Variants in AKAP19 observed in about 807,000 individuals in gnomAD.
AKAP19 encodes A-kinase anchoring protein 19.
At chr2:190,062,918 A>G in the AKAP19 span, among the ~76,000 whole-genome samples, 1 of 152,254 alleles carries the variant, frequency 6.6e-6, no homozygotes, top group Non-Finnish European at 1.5e-5. Context: ...ACTTCATAAA[A>G]GAAATAAATC....
chr2:189,988,007 G>C, the AKAP19 span, among the ~76,000 whole-genome samples: 9 of 152,140 alleles, frequency 5.9e-5, no homozygotes, highest in Non-Finnish European at 1.2e-4. Context: ...GGATGGGGGT[G>C]GTGGCGGGGG....
the AKAP19 span, among the ~76,000 whole-genome samples, chr2:190,072,887 A>G: frequency 6.6e-6 from 1 of 152,190 alleles, no homozygotes; most frequent in Non-Finnish European, 1.5e-5. Context: ...ATGTATTGCT[A>G]AACAAGAAAG....
chr2:190,087,720 C>T, the AKAP19 span, among the ~76,000 whole-genome samples: 1 of 152,236 alleles, frequency 6.6e-6, no homozygotes, highest in Non-Finnish European at 1.5e-5. Context: ...TGAACCCTTC[C>T]ACCCTGAGGT....
At chr2:189,964,222 T>C in the AKAP19 span, among the ~76,000 whole-genome samples, 2 of 152,174 alleles carry the variant, frequency 1.3e-5, no homozygotes, top group African/African-American at 4.8e-5. Context: ...CAATGAGCAG[T>C]AGTATTTTGA....
At chr2:190,166,254 C>T in the AKAP19 span, among the ~76,000 whole-genome samples, 1 of 129,724 alleles carries the variant, frequency 7.7e-6, no homozygotes, top group Admixed American at 8.3e-5. Flanking sequence ...TAAAGATTTC[C>T]AAAATTGACC....
chr2:190,107,471 T>G, the AKAP19 span, among the ~76,000 whole-genome samples: 6 of 152,214 alleles, frequency 3.9e-5, no homozygotes, highest in African/African-American at 1.4e-4. Context: ...TCTCAGCATT[T>G]CAAGTTGGAA....
chr2:190,074,521 C>T, the AKAP19 span, among the ~76,000 whole-genome samples: 3 of 151,908 alleles, frequency 2.0e-5, no homozygotes, highest in East Asian at 1.9e-4. Context: ...CGTGGTGGCG[C>T]GTGCCTCTAG....
At chr2:189,961,333 A>C in the AKAP19 span, among the ~76,000 whole-genome samples, 1 of 152,190 alleles carries the variant, frequency 6.6e-6, no homozygotes, top group Non-Finnish European at 1.5e-5. Flanking sequence ...AGACTAACTC[A>C]GTTATGCCAG....
At chr2:189,921,817 A>G in the AKAP19 span, among the ~76,000 whole-genome samples, 7 of 152,302 alleles carry the variant, frequency 4.6e-5, no homozygotes, top group Non-Finnish European at 1.0e-4. Context: ...CTCACACATA[A>G]TGAAGAACTA....
At chr2:190,044,199 T>C in the AKAP19 span, among the ~76,000 whole-genome samples, 1 of 152,158 alleles carries the variant, frequency 6.6e-6, no homozygotes, top group Non-Finnish European at 1.5e-5. Flanking sequence ...ATCTCAGTGT[T>C]TATGTTCCTT....
At chr2:190,035,007 T>A in the AKAP19 span, among the ~76,000 whole-genome samples, 3 of 152,170 alleles carry the variant, frequency 2.0e-5, no homozygotes, top group Non-Finnish European at 2.9e-5. Context: ...TTGTTTTATC[T>A]ATTCCCTAAC....
the AKAP19 span, among the ~76,000 whole-genome samples, chr2:189,945,972 C>G: frequency 6.6e-6 from 1 of 152,028 alleles, no homozygotes; most frequent in South Asian, 2.1e-4. Flanking sequence ...TTGACACTTT[C>G]AAAAATGGAG....
At chr2:189,913,718 T>C in the AKAP19 span, among the ~76,000 whole-genome samples, 4 of 152,140 alleles carry the variant, frequency 2.6e-5, no homozygotes, top group South Asian at 2.1e-4. Context: ...CCTCATAATT[T>C]TGATGCTCTT....
chr2:189,911,935 C>G, the AKAP19 span, among the ~76,000 whole-genome samples: 1 of 151,422 alleles, frequency 6.6e-6, no homozygotes. Context: ...ATAATACAAA[C>G]TGGTTGATTT....
chr2:189,923,211 G>T, the AKAP19 span: 5 of 917,556 alleles, frequency 5.4e-6, no homozygotes, highest in Non-Finnish European at 8.4e-6. Context: ...TTGCGGCCGC[G>T]TTGCCGACCT....
At chr2:190,145,801 G>C in the AKAP19 span, among the ~76,000 whole-genome samples, 27,289 of 150,492 alleles carry the variant, frequency 0.18, 2,645 homozygotes, top group Middle Eastern at 0.26. Context: ...TTCTCTCTCT[G>C]TATATATAGT....
the AKAP19 span, chr2:190,181,231 T>C: frequency 3.7e-5 from 32 of 859,458 alleles, no homozygotes; most frequent in Non-Finnish European, 4.5e-5. Context: ...GAGGCTTTAA[T>C]TAAACGAGAC....
the AKAP19 span, among the ~76,000 whole-genome samples, chr2:190,133,101 G>T: frequency 1.3e-5 from 2 of 151,882 alleles, no homozygotes; most frequent in African/African-American, 2.4e-5. Flanking sequence ...AGCCGGGCGT[G>T]GTGGCGGGCG....
the AKAP19 span, among the ~76,000 whole-genome samples, chr2:189,974,802 C>A: frequency 7.9e-5 from 12 of 152,222 alleles, no homozygotes; most frequent in East Asian, 2.3e-3. Flanking sequence ...AAGATTGCAA[C>A]CCCTGCCTTT....
Sources: allele counts gnomAD v4.1 joint callset (sites outside exome capture counted in the v4.1 genomes callset), GRCh38; gene constraint gnomAD v4.1.1; transcripts MANE v1.5; gene names NCBI Gene and HGNC (gene_info 2026-07-23, HGNC 2026-07-21).